Variants in THSD7A observed in about 807,000 individuals in gnomAD.
The protein encoded by THSD7A is thrombospondin type-1 domain-containing protein 7A.
Under a neutral mutation model 231.3 loss-of-function variants are expected in THSD7A, and 96 were observed. The ratio of observed to expected loss-of-function variants is 0.41; its 90% CI spans 0.35 to 0.49. The LOEUF (loss-of-function observed/expected upper bound fraction) is 0.49, where lower values mean the gene tolerates loss of function less well. THSD7A is among the 20% of genes least tolerant of loss of function. The probability of loss-of-function intolerance (pLI) is 0.05; values close to 1 mark genes in which losing one functional copy is unlikely to be tolerated. For missense variants in THSD7A, 2,290 were observed against 2,070.2 expected, an observed-to-expected ratio of 1.11 and a Z score of -2.06; for synonymous variants, 940 against 743.3, an observed-to-expected ratio of 1.26 and a Z score of -4.30.
intron 8 of THSD7A, among the ~76,000 whole-genome samples, chr7:11,473,716 C>T (rs372514611): frequency 2.0e-5 from 3 of 152,066 alleles, no homozygotes; most frequent in African/African-American, 4.8e-5. Flanking sequence ...TTCTCCCCTC[C>T]AGCAAAGTGT....
Position 11,509,881 on chromosome 7 carries a change from T to G in THSD7A, c.1823-27899A>C, listed in dbSNP as rs1333488708. Among the ~76,000 whole-genome samples the G allele has an allele frequency of 4.1e-5, 6 of 145,438 alleles. No individual in the cohort carries two copies. The Admixed American group carries it at 4.2e-4, about 10-fold the overall frequency. On this transcript the variant is annotated intron_variant, in intron 6 of 27. Coordinates refer to ENST00000423059, the MANE Select transcript of THSD7A (RefSeq NM_015204.3). ...AATAAGTTAAATGACATATTAAGAATCTGAACATTGGAAGATAATCAGCAT... is the reference window on the plus strand; with the variant it reads ...AATAAGTTAAATGACATATTAAGAAGCTGAACATTGGAAGATAATCAGCAT...
intron 1 of THSD7A, among the ~76,000 whole-genome samples, chr7:11,742,312 A>T (rs1434921109): frequency 2.0e-5 from 3 of 151,982 alleles, no homozygotes; most frequent in Admixed American, 1.3e-4. Context: ...AGTCATTTAA[A>T]ATTTAATTCC....
At chr7:11,470,285 C>T (rs2128301041) in intron 8 of THSD7A, among the ~76,000 whole-genome samples, 1 of 152,070 alleles carries the variant, frequency 6.6e-6, no homozygotes, top group Admixed American at 6.6e-5. Flanking sequence ...ATAATCTCTC[C>T]ATTAATAAGT....
chr7:11,779,511 T>C (rs552248911), intron 1 of THSD7A, among the ~76,000 whole-genome samples: 1 of 152,214 alleles, frequency 6.6e-6, no homozygotes, highest in Non-Finnish European at 1.5e-5. Context: ...TCTTCACCCA[T>C]ATGTTTTGCT....
At chr7:11,424,056 C>T (rs1784238347) in intron 16 of THSD7A, among the ~76,000 whole-genome samples, 2 of 152,268 alleles carry the variant, frequency 1.3e-5, no homozygotes, top group East Asian at 3.9e-4. Flanking sequence ...TCCAATGGAA[C>T]TTTCTGCCAT....
At chr7:11,398,995 G>A (rs1054305028) in intron 23 of THSD7A, among the ~76,000 whole-genome samples, 1 of 152,162 alleles carries the variant, frequency 6.6e-6, no homozygotes, top group Non-Finnish European at 1.5e-5. Flanking sequence ...TAAAGGTAAT[G>A]GGACTAGGCC....
At chr7:11,563,177 G>T (rs1790147465) in intron 4 of THSD7A, among the ~76,000 whole-genome samples, 1 of 145,370 alleles carries the variant, frequency 6.9e-6, no homozygotes, top group African/African-American at 2.6e-5. Flanking sequence ...ATATAATGGT[G>T]ACATAAACCC....
At chr7:11,643,297 T>C (rs944867105) in intron 1 of THSD7A, among the ~76,000 whole-genome samples, 21 of 152,204 alleles carry the variant, frequency 1.4e-4, no homozygotes, top group Admixed American at 8.5e-4. Context: ...GAACATCTTA[T>C]TTTAAAATTT....
chr7:11,375,717 G>T lies in THSD7A; in HGVS notation c.*77C>A. 1 of 1,150,776 alleles carries T rather than the reference G, an allele frequency of 8.7e-7. No homozygotes were observed. The highest frequency in any genetic ancestry group is 1.3e-6 in the Non-Finnish European group (1 of 776,794). The allele number at this position is 1,150,776 out of a possible 1,614,324, so 71.3% of individuals were successfully genotyped here. A position where few individuals can be genotyped will look rare whatever the true frequency, so the allele number is the denominator to read the frequency against. ...AAATATATTTTAATCCACACAGTTT[G>T]GATACATTTGTTGTGGCCTCTGGAC... On this transcript the variant is annotated 3_prime_UTR_variant, in exon 28 of 28. Transcript: ENST00000423059.
chr7:11,740,911 C>T (rs1313223339), intron 1 of THSD7A, among the ~76,000 whole-genome samples: 1 of 151,912 alleles, frequency 6.6e-6, no homozygotes, highest in Admixed American at 6.6e-5. Context: ...GCAGTATTTG[C>T]TGAATTACTG....
chr7:11,813,197 T>C (rs1583311533), intron 1 of THSD7A, among the ~76,000 whole-genome samples: 1 of 152,220 alleles, frequency 6.6e-6, no homozygotes, highest in South Asian at 2.1e-4. Flanking sequence ...GACTTCACTA[T>C]GCGATCAGAT....
chr7:11,828,768 G>T (rs1380965239), intron 1 of THSD7A, among the ~76,000 whole-genome samples: 1 of 152,008 alleles, frequency 6.6e-6, no homozygotes, highest in Non-Finnish European at 1.5e-5. Flanking sequence ...TAATGTATAA[G>T]TAATAAGTAT....
At chr7:11,591,259 A>G (rs113059625) in intron 3 of THSD7A, among the ~76,000 whole-genome samples, 9 of 151,254 alleles carry the variant, frequency 6.0e-5, no homozygotes, top group African/African-American at 1.9e-4. Context: ...AAGAAGATCT[A>G]TGATGCTCAA....
chr7:11,448,825 A>G (rs1785055159), intron 11 of THSD7A, among the ~76,000 whole-genome samples: 1 of 152,072 alleles, frequency 6.6e-6, no homozygotes, highest in Non-Finnish European at 1.5e-5. Flanking sequence ...TTAGCTTTAG[A>G]TGTGCTTTTC....
intron 1 of THSD7A, among the ~76,000 whole-genome samples, chr7:11,650,671 G>A (rs999100983): frequency 6.6e-6 from 1 of 152,030 alleles, no homozygotes; most frequent in African/African-American, 2.4e-5. Context: ...GTGGCAGTCA[G>A]TTTGCATCTG....
At chr7:11,744,695 TG>T (rs1782225357) in intron 1 of THSD7A, among the ~76,000 whole-genome samples, 2 of 150,354 alleles carry the variant, frequency 1.3e-5, no homozygotes, top group African/African-American at 4.9e-5. Flanking sequence ...ATGCGGTGTT[TG>T]GTTTTGGTCC....
intron 6 of THSD7A, among the ~76,000 whole-genome samples, chr7:11,520,951 T>C (rs1562681014): frequency 6.6e-6 from 1 of 152,196 alleles, no homozygotes; most frequent in Non-Finnish European, 1.5e-5. Flanking sequence ...ACCACCAGTC[T>C]ACAAATATAC....
At chr7:11,397,471 T>G (rs1324433160) in intron 23 of THSD7A, among the ~76,000 whole-genome samples, 1 of 152,174 alleles carries the variant, frequency 6.6e-6, no homozygotes, top group African/African-American at 2.4e-5. Context: ...GAAGAAAACC[T>G]AGGCAATACT....
chr7:11,642,058 A>T (rs906183742), intron 1 of THSD7A, among the ~76,000 whole-genome samples: 5 of 152,230 alleles, frequency 3.3e-5, no homozygotes, highest in African/African-American at 1.2e-4. Flanking sequence ...TAACCCAATT[A>T]ACTACCATGT....
Sources: allele counts gnomAD v4.1 joint callset (sites outside exome capture counted in the v4.1 genomes callset), GRCh38; gene constraint gnomAD v4.1.1; transcripts MANE v1.5; gene names NCBI Gene and HGNC (gene_info 2026-07-23, HGNC 2026-07-21).